The following GALNT10 variants were observed in gnomAD, a reference collection of about 807,000 sequenced individuals.
GALNT10 encodes the protein polypeptide N-acetylgalactosaminyltransferase 10, also known as GalNAc transferase 10.
In GALNT10, 41 loss-of-function variants were observed where a neutral mutation model predicts 75.0. The ratio of observed to expected loss-of-function variants is 0.55; its 90% CI spans 0.43 to 0.71. GALNT10 has a LOEUF of 0.71. Among genes scored for constraint, GALNT10 ranks in the 30% least tolerant of loss-of-function variants. GALNT10 has a pLI of 0.00. For missense variants in GALNT10, 727 were observed against 818.5 expected, an observed-to-expected ratio of 0.89 and a Z score of 1.36; for synonymous variants, 302 against 313.0, an observed-to-expected ratio of 0.96 and a Z score of 0.37.
At chr5:154,348,927 T>C (rs1755167225) in intron 4 of GALNT10, among the ~76,000 whole-genome samples, 1 of 152,192 alleles carries the variant, frequency 6.6e-6, no homozygotes, top group African/African-American at 2.4e-5. Flanking sequence ...CTAGAAGGCT[T>C]GTACGCTTTC....
At chr5:154,221,777 G>A (rs770934320) in intron 1 of GALNT10, among the ~76,000 whole-genome samples, 4 of 152,184 alleles carry the variant, frequency 2.6e-5, no homozygotes, top group East Asian at 1.9e-4. Flanking sequence ...TCCGCAGTGC[G>A]ACTTGAGGCC....
chr5:154,272,619 C>T (rs1454112836), intron 1 of GALNT10, among the ~76,000 whole-genome samples: 3 of 152,188 alleles, frequency 2.0e-5, no homozygotes, highest in Admixed American at 2.0e-4. Context: ...CCCTCCTGAA[C>T]CTTGCGTTAG....
chr5:154,343,837 A>T (rs1386684725), intron 4 of GALNT10, among the ~76,000 whole-genome samples: 1 of 152,120 alleles, frequency 6.6e-6, no homozygotes, highest in Non-Finnish European at 1.5e-5. Context: ...CTTCCTCAAT[A>T]TGAGCCCACT....
At chr5:154,290,730 A>T (rs983101565) in intron 1 of GALNT10, among the ~76,000 whole-genome samples, 2 of 152,152 alleles carry the variant, frequency 1.3e-5, no homozygotes, top group Non-Finnish European at 2.9e-5. Context: ...GCAAGGTCAC[A>T]CTCAAGGGTT....
intron 1 of GALNT10, among the ~76,000 whole-genome samples, chr5:154,238,692 C>G (rs1459522955): frequency 6.6e-6 from 1 of 152,146 alleles, no homozygotes; most frequent in Non-Finnish European, 1.5e-5. Flanking sequence ...TTCATTAGCA[C>G]TGGGAAAGCG....
chr5:154,409,695 C>T lies in GALNT10; in HGVS notation c.1319C>T (p.Thr440Met), dbSNP rs147745456. The T allele has an allele frequency of 2.7e-5, 44 of 1,614,118 alleles. No homozygotes were observed. The highest frequency in any genetic ancestry group is 1.9e-4 in the South Asian group (17 of 91,082). Residue 440 changes from threonine (T) to methionine (M), a missense_variant, in exon 9 of 12, where the codon ACG becomes ATG. Coordinates refer to ENST00000297107, the MANE Select transcript of GALNT10 (RefSeq NM_198321.4). The surrounding 1 kb of genome is among the most constrained non-coding windows in gnomAD (Gnocchi z 4.5). ...TGCAAGAGTTTCAAGTGGTTTATGA[C>T]GAAGATAGCCTGGGACCTGCCCAAA... ...LNCKSFKWFM[T>M]KIAWDLPKFY...
intron 4 of GALNT10, among the ~76,000 whole-genome samples, chr5:154,374,201 T>C (rs978748502): frequency 6.6e-6 from 1 of 152,200 alleles, no homozygotes; most frequent in African/African-American, 2.4e-5. Flanking sequence ...GATTTCTGCT[T>C]TCTACAGAGT....
intron 3 of GALNT10, among the ~76,000 whole-genome samples, chr5:154,328,219 T>G (rs1754785996): frequency 6.6e-6 from 1 of 152,184 alleles, no homozygotes; most frequent in Non-Finnish European, 1.5e-5. Context: ...CAGGGAAATT[T>G]GCAAACCAAC....
chr5:154,295,961 C>T (rs935677536), intron 2 of GALNT10, among the ~76,000 whole-genome samples: 1 of 152,162 alleles, frequency 6.6e-6, no homozygotes, highest in Non-Finnish European at 1.5e-5. Context: ...TACATTATGA[C>T]AAAACCAGCT....
chr5:154,416,132 C>CTGAT lies in GALNT10; in HGVS notation c.1653+202_1653+205dup, dbSNP rs1188871999. Among the ~76,000 whole-genome samples, 1 of 152,198 alleles carries CTGAT rather than the reference C, an allele frequency of 6.6e-6. No homozygotes were observed. Among genetic ancestry groups the CTGAT allele is most frequent in the Non-Finnish European group, 1.5e-5 (1 of 68,046 alleles). ...ATCCTCAAGTCTTAAATGTTGGCAA[C>CTGAT]TGATTCCATTTAAAAAGAAAAGTGC... On this transcript the variant is annotated intron_variant, in intron 11 of 11. Transcript: ENST00000297107. The surrounding 1 kb of genome is among the most constrained non-coding windows in gnomAD (Gnocchi z 4.5).
rs1017080850 is a variant in GALNT10 at position 154,413,126 on chromosome 5, C to T, written c.1503+121C>T. The stretch of plus-strand genomic sequence containing the variant: ...CAGTGATAAATGACAAGAGTCAGCC[C>T]CGGGGATGAGTTTTAAGATCTTCCT... On this transcript the variant is annotated intron_variant, in intron 10 of 11. Coordinates refer to ENST00000297107, the MANE Select transcript of GALNT10 (RefSeq NM_198321.4). 6.0e-6 allele frequency: 4 copies of T among 665,916 alleles called. No individual in the cohort carries two copies. The African/African-American group carries it at 7.5e-5, about 12-fold the overall frequency. 41.3% of individuals were successfully genotyped at this position (665,916 alleles called of 1,614,324 possible).
intron 4 of GALNT10, among the ~76,000 whole-genome samples, chr5:154,367,386 T>G (rs1450958141): frequency 1.3e-5 from 2 of 152,148 alleles, no homozygotes; most frequent in African/African-American, 4.8e-5. Flanking sequence ...GTCAGACCTT[T>G]TCTCACTTGA....
chr5:154,309,236 A>T (rs903174326), intron 3 of GALNT10, among the ~76,000 whole-genome samples: 1 of 152,134 alleles, frequency 6.6e-6, no homozygotes, highest in African/African-American at 2.4e-5. Flanking sequence ...AGGCCCTGAG[A>T]CCACTGTGCC....
At chr5:154,414,008 A>C (rs1756453534) in intron 10 of GALNT10, among the ~76,000 whole-genome samples, 1 of 152,224 alleles carries the variant, frequency 6.6e-6, no homozygotes, top group African/African-American at 2.4e-5. Flanking sequence ...TACCAAAAAA[A>C]ATATATGAAT....
chr5:154,268,577 G>T (rs1340737990), intron 1 of GALNT10, among the ~76,000 whole-genome samples: 2 of 152,166 alleles, frequency 1.3e-5, no homozygotes, highest in Non-Finnish European at 2.9e-5. Context: ...AGTTTATAAA[G>T]ATGGCAAAAG....
intron 10 of GALNT10, among the ~76,000 whole-genome samples, chr5:154,415,078 G>T (rs892502817): frequency 6.6e-6 from 1 of 152,118 alleles, no homozygotes; most frequent in Non-Finnish European, 1.5e-5. Context: ...AGCCAAGATT[G>T]CACCATTGCA....
intron 1 of GALNT10, among the ~76,000 whole-genome samples, chr5:154,204,027 T>C: frequency 6.6e-6 from 1 of 152,196 alleles, no homozygotes; most frequent in East Asian, 1.9e-4. Context: ...CAAGCTGGAT[T>C]GCCAGGCCAT....
chr5:154,409,245 G>A lies in GALNT10; in HGVS notation c.1165-296G>A, dbSNP rs954903074. Among the ~76,000 whole-genome samples, 1 of 152,186 alleles carries A rather than the reference G, an allele frequency of 6.6e-6. No homozygotes were observed. The highest frequency in any genetic ancestry group is 6.5e-5 in the Admixed American group (1 of 15,284). On this transcript the variant is annotated intron_variant, in intron 8 of 11. Transcript: ENST00000297107. The surrounding 1 kb of genome is among the most constrained non-coding windows in gnomAD (Gnocchi z 4.5). ...CTCCTGCCACATGAGCTGACAGGGA[G>A]ACAGGGTGGCTCCCCAGAGGAAAAT... is the stretch of plus-strand genomic sequence containing the variant.
intron 5 of GALNT10, among the ~76,000 whole-genome samples, chr5:154,377,385 A>G (rs974107067): frequency 2.0e-5 from 3 of 152,238 alleles, no homozygotes; most frequent in African/African-American, 7.2e-5. Flanking sequence ...AGGATGGGTA[A>G]GCTCTGCACT....
Sources: allele counts gnomAD v4.1 joint callset (sites outside exome capture counted in the v4.1 genomes callset), GRCh38; gene constraint gnomAD v4.1.1; non-coding constraint Gnocchi (gnomAD v3.1); transcripts MANE v1.5; gene names NCBI Gene and HGNC (gene_info 2026-07-23, HGNC 2026-07-21).